Variants in CLMP observed in about 807,000 individuals in gnomAD.
CLMP encodes CXADR like cell adhesion molecule, also known as CXADR-like membrane protein.
In CLMP, 27 loss-of-function variants were observed where a neutral mutation model predicts 45.2. The ratio of observed to expected loss-of-function variants is 0.60; its 90% CI spans 0.44 to 0.82. The LOEUF is 0.82. Among genes scored for constraint, CLMP ranks in the 40% least tolerant of loss-of-function variants. The pLI, the probability that CLMP is intolerant of heterozygous loss-of-function variation, is 0.00. For missense variants in CLMP, 403 were observed against 448.4 expected (o/e 0.90, Z 0.91); for synonymous variants, 167 against 171.4 (o/e 0.97, Z 0.20).
chr11:123,152,990 C>G (rs1275910802), intron 1 of CLMP, among the ~76,000 whole-genome samples: 1 of 152,148 alleles, frequency 6.6e-6, no homozygotes, highest in Non-Finnish European at 1.5e-5. Flanking sequence ...ACAAATTGCC[C>G]CCAGAGGAAG....
chr11:123,131,547 C>T (rs899435883), intron 1 of CLMP, among the ~76,000 whole-genome samples: 1 of 152,140 alleles, frequency 6.6e-6, no homozygotes, highest in East Asian at 1.9e-4. Flanking sequence ...AGGATGGTTA[C>T]TTGAGTGGGT....
chr11:123,090,519 T>G (rs1865919415), intron 2 of CLMP, among the ~76,000 whole-genome samples: 1 of 152,124 alleles, frequency 6.6e-6, no homozygotes, highest in Non-Finnish European at 1.5e-5. Flanking sequence ...CACTGACAGC[T>G]GTGTGCCTGT....
At chr11:123,171,065 T>G (rs1282535883) in intron 1 of CLMP, among the ~76,000 whole-genome samples, 1 of 152,214 alleles carries the variant, frequency 6.6e-6, no homozygotes, top group Non-Finnish European at 1.5e-5. Context: ...CAACCAGCTC[T>G]GCTTGGGGTT....
At position 123,150,465 on chromosome 11, in the gene CLMP, AAGAAAGAAAGAAAG is replaced by A. The variant is rs1303225673; in HGVS notation, c.28+44434_28+44447del. 2.1e-4 allele frequency among the ~76,000 whole-genome samples: 22 copies of A among 105,664 alleles called. 1 individual carries two copies. Among genetic ancestry groups the A allele is most frequent in the Non-Finnish European group, 4.4e-4 (21 of 47,784 alleles). 69.3% of individuals were successfully genotyped at this position (105,664 alleles called of 152,430 possible). A position where few individuals can be genotyped will look rare whatever the true frequency, so the allele number is the denominator to read the frequency against. ...AAAGAAAGAAAGAAAGAAAGAAAGA[AAGAAAGAAAGAAAG>A]AAAGGAAGGAAGGAAGGAAGGAAGG... On this transcript the variant is annotated intron_variant, in intron 1 of 6. Transcript: ENST00000448775.
intron 2 of CLMP, among the ~76,000 whole-genome samples, chr11:123,089,791 AAAG>A (rs1227770753): frequency 8.8e-5 from 12 of 136,046 alleles, no homozygotes; most frequent in Admixed American, 3.0e-4. Flanking sequence ...AAAAAAAAAA[AAAG>A]AAAAAGAAAA....
chr11:123,073,115 G>A lies in CLMP; in HGVS notation c.*359C>T, dbSNP rs1203028683. On this transcript the variant is annotated 3_prime_UTR_variant, in exon 7 of 7. Transcript: ENST00000448775. ...AGCATCCCATTTCCTCTTGAAAATT[G>A]TGAATCAAAGCACTGATACAAAATA... The A allele has an allele frequency of 1.1e-5, 2 of 182,224 alleles. No individual in the cohort carries two copies. Among genetic ancestry groups the A allele is most frequent in the Admixed American group, 5.6e-5 (1 of 17,770 alleles). 11.3% of individuals were successfully genotyped at this position (182,224 alleles called of 1,614,324 possible).
chr11:123,160,753 G>A (rs529349291), intron 1 of CLMP, among the ~76,000 whole-genome samples: 6 of 152,106 alleles, frequency 3.9e-5, no homozygotes, highest in African/African-American at 7.2e-5. Flanking sequence ...TGAGGTGGGC[G>A]GATCACCTGA....
At chr11:123,188,203 C>G (rs61904434) in intron 1 of CLMP, among the ~76,000 whole-genome samples, 15,301 of 152,166 alleles carry the variant, frequency 0.1, 834 homozygotes, top group Middle Eastern at 0.14. Flanking sequence ...CAGGCGCACC[C>G]GCTCTGTAAT....
intron 1 of CLMP, among the ~76,000 whole-genome samples, chr11:123,145,459 T>G (rs796185578): frequency 4.6e-4 from 41 of 89,990 alleles, no homozygotes; most frequent in Middle Eastern, 0.01. Context: ...GCTGTTTTTT[T>G]TTTTTTTTTT....
At chr11:123,077,648 T>C (rs1865756216) in intron 5 of CLMP, among the ~76,000 whole-genome samples, 1 of 152,190 alleles carries the variant, frequency 6.6e-6, no homozygotes, top group Non-Finnish European at 1.5e-5. Flanking sequence ...TTAAAGAAAT[T>C]GGACTTTGGA....
intron 5 of CLMP, 45 bp from the exon 6 acceptor site, chr11:123,074,888 T>C: frequency 6.3e-7 from 1 of 1,595,484 alleles, no homozygotes; most frequent in Non-Finnish European, 8.5e-7. Flanking sequence ...AAACGTAAGC[T>C]AGGAAATATG....
At chr11:123,156,463 C>T (rs769342211) in intron 1 of CLMP, among the ~76,000 whole-genome samples, 3 of 152,182 alleles carry the variant, frequency 2.0e-5, no homozygotes, top group Non-Finnish European at 4.4e-5. Flanking sequence ...AGCTAAGCTG[C>T]TTCTGAATTC....
At chr11:123,119,392 G>A (rs1334114362) in intron 1 of CLMP, among the ~76,000 whole-genome samples, 3 of 151,960 alleles carry the variant, frequency 2.0e-5, no homozygotes, top group Non-Finnish European at 2.9e-5. Context: ...TGATCTTTGC[G>A]TTTTCATCAG....
chr11:123,113,013 T>A (rs1860664226), intron 1 of CLMP, among the ~76,000 whole-genome samples: 2 of 151,636 alleles, frequency 1.3e-5, no homozygotes, highest in Non-Finnish European at 1.5e-5. Context: ...GACCTTGTGA[T>A]CTGCCCTCCT....
At chr11:123,105,083 T>C (rs1860522604) in intron 1 of CLMP, among the ~76,000 whole-genome samples, 1 of 152,208 alleles carries the variant, frequency 6.6e-6, no homozygotes, top group South Asian at 2.1e-4. Context: ...TGCATGCACC[T>C]CAGGCACTTA....
chr11:123,115,945 G>A (rs1445581128), intron 1 of CLMP, among the ~76,000 whole-genome samples: 1 of 152,048 alleles, frequency 6.6e-6, no homozygotes, highest in Non-Finnish European at 1.5e-5. Flanking sequence ...ACTGTTGGAT[G>A]GGGTTGTAGT....
At chr11:123,164,806 T>C (rs1277931372) in intron 1 of CLMP, among the ~76,000 whole-genome samples, 1 of 152,142 alleles carries the variant, frequency 6.6e-6, no homozygotes, top group Non-Finnish European at 1.5e-5. Context: ...GCTCAAAACA[T>C]TTAGATGAAT....
intron 1 of CLMP, among the ~76,000 whole-genome samples, chr11:123,156,049 T>C (rs1345280028): frequency 2.6e-5 from 4 of 152,166 alleles, no homozygotes; most frequent in African/African-American, 9.7e-5. Context: ...GTGGCTATAT[T>C]TGGAGATGGG....
At chr11:123,086,967 G>A (rs1865871688) in intron 2 of CLMP, among the ~76,000 whole-genome samples, 1 of 152,218 alleles carries the variant, frequency 6.6e-6, no homozygotes, top group African/African-American at 2.4e-5. Context: ...GCCAAGGCAA[G>A]CAGATCACTT....
Sources: gnomAD v4.1 joint callset for allele counts (sites outside exome capture counted in the v4.1 genomes callset) on GRCh38, gnomAD v4.1.1 for gene constraint, MANE v1.5 for transcripts, NCBI Gene and HGNC (gene_info 2026-07-23, HGNC 2026-07-21) for gene names.